The following PIGK variants were observed in gnomAD, a reference collection of about 807,000 sequenced individuals.
PIGK encodes phosphatidylinositol glycan anchor biosynthesis class K.
PIGK carries 42 observed loss-of-function variants against 50.6 expected under a neutral mutation model. The ratio of observed to expected loss-of-function variants is 0.83; its 90% CI spans 0.65 to 1.07. The LOEUF (loss-of-function observed/expected upper bound fraction) is 1.07, where lower values mean the gene tolerates loss of function less well. Ranked by LOEUF, PIGK falls within the 50% of genes least tolerant of loss-of-function variation. PIGK has a pLI of 0.00. For missense variants in PIGK, 448 were observed against 488.7 expected (o/e 0.92, Z 0.78); for synonymous variants, 151 against 156.0 (o/e 0.97, Z 0.24).
chr1:77,183,830 G>C (rs995604466), intron 3 of PIGK, among the ~76,000 whole-genome samples: 2 of 152,166 alleles, frequency 1.3e-5, no homozygotes, highest in Admixed American at 6.5e-5. Context: ...TAGAGAAAGG[G>C]ACCCAAAGGA....
rs565655317 is a variant in PIGK at position 77,163,021 on chromosome 1, C to T, written c.584+825G>A. ...AAAAGGGAATAATAATAGTATCTAC[C>T]CCATAGAGTTGTAAAATTAAATGAG... On this transcript the variant is annotated intron_variant, in intron 6 of 10. Coordinates refer to ENST00000370812, the MANE Select transcript of PIGK (RefSeq NM_005482.3). Among the ~76,000 whole-genome samples, 9 of 152,122 alleles carry T rather than the reference C, an allele frequency of 5.9e-5. No individual in the cohort carries two copies. In the South Asian group the frequency reaches 1.9e-3, roughly 32 times the overall value.
intron 3 of PIGK, chr1:77,195,161 T>C (rs1441171201): frequency 4.0e-6 from 5 of 1,241,120 alleles, no homozygotes; most frequent in East Asian, 2.6e-5. Flanking sequence ...GCCAATGAGA[T>C]TGGGTCAGAG....
intron 1 of PIGK, among the ~76,000 whole-genome samples, chr1:77,210,768 T>C (rs914711873): frequency 5.9e-5 from 9 of 152,072 alleles, no homozygotes; most frequent in African/African-American, 2.2e-4. Flanking sequence ...TTGATTAAGA[T>C]ACTTAACCTC....
At chr1:77,102,819 A>G (rs1189192957) in intron 10 of PIGK, among the ~76,000 whole-genome samples, 2 of 152,200 alleles carry the variant, frequency 1.3e-5, no homozygotes, top group African/African-American at 4.8e-5. Context: ...AATTTCCAAG[A>G]GCTCTTTCTC....
chr1:77,113,099 T>C (rs1653890099), intron 10 of PIGK, among the ~76,000 whole-genome samples: 2 of 152,246 alleles, frequency 1.3e-5, no homozygotes, highest in South Asian at 4.1e-4. Flanking sequence ...ATTATGATTC[T>C]ATCATGTCTT....
rs141858558 is a variant in PIGK at position 77,096,881 on chromosome 1, C to CTTTT, written c.1072-4395_1072-4392dup. 1.4e-3 allele frequency among the ~76,000 whole-genome samples: 171 copies of CTTTT among 124,302 alleles called. 3 individuals carry two copies. The highest frequency in any genetic ancestry group is 4.8e-3 in the African/African-American group (158 of 32,642). The allele number at this position is 124,302 out of a possible 152,430, so 81.5% of individuals were successfully genotyped here. A position where few individuals can be genotyped will look rare whatever the true frequency, so the allele number is the denominator to read the frequency against. On this transcript the variant is annotated intron_variant, in intron 10 of 10. Coordinates refer to ENST00000370812, the MANE Select transcript of PIGK (RefSeq NM_005482.3). The stretch of plus-strand genomic sequence containing the variant: ...TCCATACTTGTAGCTTCGGGTTTTT[C>CTTTT]TTTTTTTTTTTTTTTTGTTTTTTTG...
intron 9 of PIGK, among the ~76,000 whole-genome samples, chr1:77,135,073 T>TA (rs1654468881): frequency 6.6e-6 from 1 of 152,140 alleles, no homozygotes; most frequent in Admixed American, 6.5e-5. Context: ...CAGTTGGTCT[T>TA]AAAGAGAATG....
chr1:77,137,507 A>G (rs1654547030), intron 9 of PIGK, among the ~76,000 whole-genome samples: 1 of 152,152 alleles, frequency 6.6e-6, no homozygotes, highest in South Asian at 2.1e-4. Context: ...GCCTTTTCCA[A>G]ATATGCCTCA....
chr1:77,171,512 T>C (rs1655362854), intron 3 of PIGK, among the ~76,000 whole-genome samples: 1 of 150,362 alleles, frequency 6.7e-6, no homozygotes, highest in African/African-American at 2.4e-5. Context: ...TTTCACTCTG[T>C]GAAACTAAAT....
At chr1:77,202,119 G>A (rs1656183969) in intron 3 of PIGK, among the ~76,000 whole-genome samples, 1 of 151,880 alleles carries the variant, frequency 6.6e-6, no homozygotes, top group Non-Finnish European at 1.5e-5. Context: ...AGTGGGGGTT[G>A]AGAAACAAGA....
intron 10 of PIGK, among the ~76,000 whole-genome samples, chr1:77,103,839 T>C (rs1467312858): frequency 1.3e-5 from 2 of 152,026 alleles, no homozygotes; most frequent in African/African-American, 4.8e-5. Context: ...TATGCATGCA[T>C]GACAAGAAAC....
intron 3 of PIGK, among the ~76,000 whole-genome samples, chr1:77,204,700 A>G (rs1033020157): frequency 6.6e-6 from 1 of 152,172 alleles, no homozygotes; most frequent in Non-Finnish European, 1.5e-5. Flanking sequence ...GAAAAATAGA[A>G]AAGAACCTAC....
intron 3 of PIGK, among the ~76,000 whole-genome samples, chr1:77,203,775 G>C (rs1282761084): frequency 6.6e-6 from 1 of 152,148 alleles, no homozygotes; most frequent in Non-Finnish European, 1.5e-5. Flanking sequence ...TCTTACACCT[G>C]TCTTTACTGC....
rs114111716 is a variant in PIGK at position 77,098,135 on chromosome 1, G to A, written c.1072-5645C>T. ...AGGGAATAGTAGTCCTACTGGTGCT[G>A]TAAACAATGGATTAGCATTTGGAAA... On this transcript the variant is annotated intron_variant, in intron 10 of 10. Transcript: ENST00000370812. Among the ~76,000 whole-genome samples the A allele has an allele frequency of 8.8e-3, 1,339 of 152,178 alleles. 25 individuals carry two copies. Among genetic ancestry groups the A allele is most frequent in the African/African-American group, 0.031 (1,271 of 41,496 alleles).
At chr1:77,140,319 C>T (rs995958327) in intron 9 of PIGK, among the ~76,000 whole-genome samples, 5 of 152,032 alleles carry the variant, frequency 3.3e-5, no homozygotes, top group Admixed American at 1.3e-4. Flanking sequence ...CTTGCTCTCA[C>T]TCTCTTACTC....
chr1:77,098,169 A>G (rs1048016376), intron 10 of PIGK, among the ~76,000 whole-genome samples: 8 of 152,260 alleles, frequency 5.3e-5, no homozygotes, highest in South Asian at 4.2e-4. Context: ...AACAAAATCA[A>G]TTTTGTTCCT....
intron 9 of PIGK, among the ~76,000 whole-genome samples, chr1:77,136,262 GCTCACGCCT>G (rs1304060015): frequency 1.3e-5 from 2 of 152,052 alleles, no homozygotes; most frequent in African/African-American, 4.8e-5. Context: ...GGGCGCGGTG[GCTCACGCCT>G]GTAATCCCAG....
chr1:77,219,213 G>GA, intron 1 of PIGK, 97 bp downstream of exon 1: 1 of 966,018 alleles, frequency 1.0e-6, no homozygotes, highest in Non-Finnish European at 1.6e-6. Context: ...GGGGCTGATT[G>GA]ACTCCAGGAG....
intron 10 of PIGK, among the ~76,000 whole-genome samples, chr1:77,102,435 G>A (rs1468536075): frequency 2.0e-5 from 3 of 152,184 alleles, no homozygotes; most frequent in Admixed American, 2.0e-4. Context: ...GTGTTCTTCA[G>A]TGTGGTAGAA....
Sources: allele counts gnomAD v4.1 joint callset (sites outside exome capture counted in the v4.1 genomes callset), GRCh38; gene constraint gnomAD v4.1.1; transcripts MANE v1.5; gene names NCBI Gene and HGNC (gene_info 2026-07-23, HGNC 2026-07-21).